The following FSTL4 variants were observed in gnomAD, a reference collection of about 807,000 sequenced individuals.
FSTL4 encodes the protein follistatin like 4.
FSTL4 carries 28 observed loss-of-function variants against 78.2 expected under a neutral mutation model. The observed-to-expected ratio is 0.36, with a 90% CI of 0.27 to 0.49. FSTL4 has a LOEUF of 0.49. FSTL4 is among the 20% of genes least tolerant of loss of function. The pLI, the probability that FSTL4 is intolerant of heterozygous loss-of-function variation, is 0.98. For synonymous variants in FSTL4, 422 were observed against 440.5 expected, an observed-to-expected ratio of 0.96 and a Z score of 0.53; for missense variants, 922 against 1,084.9, an observed-to-expected ratio of 0.85 and a Z score of 2.11.
At chr5:133,445,574 T>C (rs372126165) in intron 3 of FSTL4, among the ~76,000 whole-genome samples, 9 of 152,306 alleles carry the variant, frequency 5.9e-5, no homozygotes, top group African/African-American at 1.9e-4. Flanking sequence ...TTGTGGAACC[T>C]GGGGATGAAG....
intron 6 of FSTL4, among the ~76,000 whole-genome samples, chr5:133,281,548 C>T (rs1040808464): frequency 1.2e-4 from 18 of 152,004 alleles, no homozygotes; most frequent in African/African-American, 3.1e-4. Flanking sequence ...AGCTGAGCTC[C>T]CTAAAAGCTG....
At chr5:133,613,400 C>T (rs1480884304), upstream of FSTL4, among the ~76,000 whole-genome samples, 2 of 152,194 alleles carry the variant, frequency 1.3e-5, no homozygotes, top group Non-Finnish European at 2.9e-5. Flanking sequence ...CAGGGGCCTT[C>T]CTGGCTTAGG....
chr5:133,345,462 A>G (rs1384852392), intron 4 of FSTL4, among the ~76,000 whole-genome samples: 7 of 152,076 alleles, frequency 4.6e-5, no homozygotes, highest in Non-Finnish European at 8.8e-5. Context: ...TTTTGTTGTA[A>G]TTGCTTTTGG....
At chr5:133,462,977 CAG>C (rs1757628088) in intron 3 of FSTL4, among the ~76,000 whole-genome samples, 1 of 152,220 alleles carries the variant, frequency 6.6e-6, no homozygotes, top group Admixed American at 6.5e-5. Context: ...CGCAAGCAAC[CAG>C]AGTCTGGCTT....
At chr5:133,386,649 C>T (rs1755706857) in intron 4 of FSTL4, among the ~76,000 whole-genome samples, 2 of 152,080 alleles carry the variant, frequency 1.3e-5, no homozygotes, top group Non-Finnish European at 2.9e-5. Context: ...TTGAGACAAG[C>T]CTGGCACATA....
In FSTL4 at chr5:133,612,350, G is replaced by A. The variant is rs1371320813; in HGVS notation, c.-36C>T. 8 of 142,856 alleles carry A rather than the reference G, an allele frequency of 5.6e-5. No individual in the cohort carries two copies. The highest frequency in any genetic ancestry group is 9.3e-5 in the Non-Finnish European group (6 of 64,780). The allele number at this position is 142,856 out of a possible 1,614,324, so 8.8% of individuals were successfully genotyped here. On this transcript the variant is annotated 5_prime_UTR_variant, in exon 1 of 16. Coordinates refer to ENST00000265342, the MANE Select transcript of FSTL4 (RefSeq NM_015082.2). The surrounding 1 kb of genome is among the most constrained non-coding windows in gnomAD (Gnocchi z 6.2). ...CTGAGACGGCCGGGGCCGAGGGGAA[G>A]ACCAGGTGGCCGGACTTGGGCGGGA...
the FSTL4 span, among the ~76,000 whole-genome samples, chr5:133,691,084 CCACATCGGTTT>C: frequency 6.6e-6 from 1 of 152,150 alleles, no homozygotes; most frequent in South Asian, 2.1e-4. Context: ...TTCCCCTTTA[CCACATCGGTTT>C]TTCAGGATGT....
intron 6 of FSTL4, among the ~76,000 whole-genome samples, chr5:133,301,748 G>A (rs548818237): frequency 2.6e-5 from 4 of 152,306 alleles, no homozygotes; most frequent in Middle Eastern, 3.4e-3. Context: ...TGCCCCAGGC[G>A]GCTCGCACAG....
At chr5:133,318,484 G>C (rs1753963035) in intron 4 of FSTL4, among the ~76,000 whole-genome samples, 1 of 152,204 alleles carries the variant, frequency 6.6e-6, no homozygotes, top group Non-Finnish European at 1.5e-5. Flanking sequence ...AAATAGACCA[G>C]AAGTGGGGGT....
chr5:133,802,756 G>A, the FSTL4 span, among the ~76,000 whole-genome samples: 1 of 152,132 alleles, frequency 6.6e-6, no homozygotes, highest in Non-Finnish European at 1.5e-5. Flanking sequence ...TCTCCTTGTG[G>A]TCCTGTGGGA....
At chr5:133,731,118 G>C in the FSTL4 span, among the ~76,000 whole-genome samples, 1 of 152,086 alleles carries the variant, frequency 6.6e-6, no homozygotes, top group Non-Finnish European at 1.5e-5. Flanking sequence ...GAAACACTGG[G>C]CACGATTTAG....
At chr5:133,677,793 G>A in the FSTL4 span, among the ~76,000 whole-genome samples, 1 of 152,164 alleles carries the variant, frequency 6.6e-6, no homozygotes, top group Non-Finnish European at 1.5e-5. Context: ...AAGATGCTGT[G>A]TTTATTCATT....
intron 6 of FSTL4, among the ~76,000 whole-genome samples, chr5:133,281,099 C>T (rs1348124984): frequency 6.6e-6 from 1 of 152,182 alleles, no homozygotes; most frequent in Admixed American, 6.5e-5. Context: ...AGCCTGCACA[C>T]CGGTCCCTGT....
At chr5:133,559,725 C>T (rs913004777) in intron 3 of FSTL4, among the ~76,000 whole-genome samples, 8 of 152,198 alleles carry the variant, frequency 5.3e-5, no homozygotes, top group Non-Finnish European at 1.0e-4. Context: ...ATAGCTTGCC[C>T]GTCATAACCA....
At position 133,198,972 on chromosome 5, in the gene FSTL4, G is replaced by GCT; in HGVS notation, c.*122_*123insAG. 1.7e-6 allele frequency: 1 copy of GCT among 600,652 alleles called. No individual in the cohort carries two copies. Among genetic ancestry groups the GCT allele is most frequent in the Non-Finnish European group, 2.9e-6 (1 of 347,696 alleles). 37.2% of individuals were successfully genotyped at this position (600,652 alleles called of 1,614,324 possible). On this transcript the variant is annotated 3_prime_UTR_variant, in exon 16 of 16. Coordinates refer to ENST00000265342, the MANE Select transcript of FSTL4 (RefSeq NM_015082.2). The stretch of plus-strand genomic sequence containing the variant: ...CTAGGAAACTTGCAAGGAGACCAGT[G>GCT]TTGAACCACAAAGCGAGTACAGGTT...
intron 3 of FSTL4, among the ~76,000 whole-genome samples, chr5:133,435,124 C>CTTCCT (rs1757011225): frequency 6.6e-6 from 1 of 152,164 alleles, no homozygotes; most frequent in South Asian, 2.1e-4. Flanking sequence ...CTAATTGTAT[C>CTTCCT]TTCCTTTTTT....
intron 4 of FSTL4, among the ~76,000 whole-genome samples, chr5:133,365,309 T>C (rs1755160269): frequency 2.6e-5 from 4 of 152,180 alleles, no homozygotes; most frequent in Admixed American, 2.6e-4. Context: ...GATCAACTTT[T>C]AGGGATTTTA....
At chr5:133,685,315 A>G in the FSTL4 span, among the ~76,000 whole-genome samples, 23 of 152,188 alleles carry the variant, frequency 1.5e-4, no homozygotes, top group Admixed American at 1.5e-3. Context: ...TGCGCTTTGA[A>G]TATGGCTCCT....
intron 3 of FSTL4, among the ~76,000 whole-genome samples, chr5:133,417,969 A>C: frequency 7.9e-6 from 1 of 126,718 alleles, no homozygotes; most frequent in East Asian, 2.3e-4. Flanking sequence ...AAAAAAAAAA[A>C]AAAAAAAAAA....
Sources: gnomAD v4.1 joint callset for allele counts (sites outside exome capture counted in the v4.1 genomes callset) on GRCh38, gnomAD v4.1.1 for gene constraint, Gnocchi (gnomAD v3.1) non-coding constraint, MANE v1.5 for transcripts, NCBI Gene and HGNC (gene_info 2026-07-23, HGNC 2026-07-21) for gene names.